EXOC5: variants seen among roughly 807,000 people sequenced by gnomAD.
EXOC5 encodes the protein SEC10-like 1.
In EXOC5, 17 loss-of-function variants were observed where a neutral mutation model predicts 90.8. The ratio of observed to expected loss-of-function variants is 0.19; its 90% CI spans 0.13 to 0.28. EXOC5 has a LOEUF of 0.28. Ranked by LOEUF, EXOC5 falls within the 10% of genes least tolerant of loss-of-function variation. The pLI is 1.00. For synonymous variants in EXOC5, 260 were observed against 270.0 expected, an observed-to-expected ratio of 0.96 and a Z score of 0.36; for missense variants, 569 against 830.6, an observed-to-expected ratio of 0.69 and a Z score of 3.87.
chr14:57,210,111 G>T (rs749790862), intron 15 of EXOC5, 50 bp from the exon 16 acceptor site: 2 of 771,454 alleles, frequency 2.6e-6, no homozygotes, highest in Non-Finnish European at 4.3e-6. Context: ...CTTACTCTAT[G>T]TTTATGTTTA....
At position 57,206,365 on chromosome 14, in the gene EXOC5, A is replaced by G. The variant is rs1882652268; in HGVS notation, c.*2244T>C. On this transcript the variant is annotated 3_prime_UTR_variant, in exon 18 of 18. Coordinates refer to ENST00000621441, the MANE Select transcript of EXOC5 (RefSeq NM_006544.4). Reference sequence around the variant, plus strand: ...AAAAATCAGAATACAAAGAATGCATATTGCCTCACATGACACATTTTTTTT... The same window carrying G: ...AAAAATCAGAATACAAAGAATGCATGTTGCCTCACATGACACATTTTTTTT... 1.3e-5 allele frequency: 2 copies of G among 153,588 alleles called. No individual in the cohort carries two copies. Among genetic ancestry groups the G allele is most frequent in the African/African-American group, 5.6e-5 (2 of 35,692 alleles). 9.5% of individuals were successfully genotyped at this position (153,588 alleles called of 1,614,324 possible).
At chr14:57,214,170 C>T (rs1882907204) in intron 15 of EXOC5, among the ~76,000 whole-genome samples, 1 of 152,024 alleles carries the variant, frequency 6.6e-6, no homozygotes, top group African/African-American at 2.4e-5. Context: ...GCATGTCCAG[C>T]CTACACACAT....
chr14:57,206,393 T>C lies in EXOC5; in HGVS notation c.*2216A>G, dbSNP rs1030675532. 1.4e-4 allele frequency: 21 copies of C among 154,054 alleles called. No homozygotes were observed. Among genetic ancestry groups the C allele is most frequent in the Admixed American group, 5.2e-4 (8 of 15,422 alleles). 9.5% of individuals were successfully genotyped at this position (154,054 alleles called of 1,614,324 possible). A position where few individuals can be genotyped will look rare whatever the true frequency, so the allele number is the denominator to read the frequency against. On this transcript the variant is annotated 3_prime_UTR_variant, in exon 18 of 18. Coordinates refer to ENST00000621441, the MANE Select transcript of EXOC5 (RefSeq NM_006544.4). The stretch of plus-strand genomic sequence containing the variant: ...GCCTCACATGACACATTTTTTTTTT[T>C]CCCTCAGAGAAAGACCATCTGTTTA...
chr14:57,220,774 T>C (rs1883110884), intron 13 of EXOC5, among the ~76,000 whole-genome samples: 1 of 152,152 alleles, frequency 6.6e-6, no homozygotes, highest in Non-Finnish European at 1.5e-5. Context: ...CACTCTGGCC[T>C]GGGTGACAGA....
At chr14:57,239,814 T>C (rs1379334529) in intron 4 of EXOC5, among the ~76,000 whole-genome samples, 155 bp from the exon 5 acceptor site, 2 of 152,194 alleles carry the variant, frequency 1.3e-5, no homozygotes, top group East Asian at 1.9e-4. Context: ...TAAAACTTTA[T>C]GAGCAACAAG....
At chr14:57,247,229 A>G (rs17093011) in intron 2 of EXOC5, among the ~76,000 whole-genome samples, 1,540 of 152,312 alleles carry the variant, frequency 0.01, 28 homozygotes, top group African/African-American at 0.035. Context: ...AAAATAGTCA[A>G]GAAGGCAAAT....
At chr14:57,254,953 T>C (rs1025722429) in intron 1 of EXOC5, among the ~76,000 whole-genome samples, 1 of 152,208 alleles carries the variant, frequency 6.6e-6, no homozygotes, top group Non-Finnish European at 1.5e-5. Flanking sequence ...AATTTTGTTA[T>C]GGAAGCCTGA....
chr14:57,224,533 G>A (rs1883245965), intron 12 of EXOC5, among the ~76,000 whole-genome samples: 1 of 152,114 alleles, frequency 6.6e-6, no homozygotes, highest in Admixed American at 6.6e-5. Flanking sequence ...AAAAGAAGTG[G>A]ATAACCTGAA....
chr14:57,242,082 G>A (rs1246049666), intron 4 of EXOC5, among the ~76,000 whole-genome samples: 1 of 147,456 alleles, frequency 6.8e-6, no homozygotes, highest in Admixed American at 6.8e-5. Context: ...GCAGTGAGCC[G>A]AGATTGCGCC....
At chr14:57,258,897 T>TA (rs879751745) in intron 1 of EXOC5, among the ~76,000 whole-genome samples, 50 of 152,050 alleles carry the variant, frequency 3.3e-4, no homozygotes, top group Non-Finnish European at 6.0e-4. Context: ...CCAGCCTAGG[T>TA]AAAAAAAATA....
rs923504297 is a variant in EXOC5, at chr14:57,201,675, A to T, written c.*6934T>A. The T allele has an allele frequency of 1.3e-5, 2 of 150,420 alleles. No individual in the cohort carries two copies. Among genetic ancestry groups the T allele is most frequent in the African/African-American group, 4.9e-5 (2 of 41,170 alleles). The allele number at this position is 150,420 out of a possible 1,614,324, so 9.3% of individuals were successfully genotyped here. On this transcript the variant is annotated 3_prime_UTR_variant, in exon 18 of 18. Coordinates refer to ENST00000621441, the MANE Select transcript of EXOC5 (RefSeq NM_006544.4). ...TGAGGTGGGCAGATCACTTAAGGCTAGGAGTTTGACACCAGCCTGACCAAC... is the reference window on the plus strand; with the variant it reads ...TGAGGTGGGCAGATCACTTAAGGCTTGGAGTTTGACACCAGCCTGACCAAC...
rs145053811 is a variant in EXOC5 at position 57,221,146 on chromosome 14, T to A, written c.1405+1162A>T. ...GATCAGCAATGCCTCTCTGAGAAGA[T>A]AACATCTTAGTTGAGATCAGATGAT... On this transcript the variant is annotated intron_variant, in intron 13 of 17. Transcript: ENST00000621441. 4.6e-5 allele frequency among the ~76,000 whole-genome samples: 7 copies of A among 152,254 alleles called. No individual in the cohort carries two copies. The East Asian group carries it at 1.3e-3, about 29-fold the overall frequency.
chr14:57,220,840 A>C (rs1244297589), intron 13 of EXOC5, among the ~76,000 whole-genome samples: 6 of 152,054 alleles, frequency 3.9e-5, no homozygotes. Flanking sequence ...AAATTATTAT[A>C]TATACACACT....
chr14:57,231,707 T>C lies in EXOC5; in HGVS notation c.947A>G (p.Asn316Ser). Residue 316 changes from asparagine to serine, a missense_variant, in exon 11 of 18, where the codon AAT becomes AGT. Asn to Ser is a conservative substitution (Grantham distance 46). This residue lies in a region of EXOC5 where 114 missense variants were observed against 111.2 expected (regional missense o/e 1.03). Transcript: ENST00000621441. ...NLYDLYTRTT[N>S]LSSKLMEFNL... ...AAACTCCATCAGCTTGCTGGAAAGA[T>C]TGGTGGTTCTTTTCATGAAAAAGGG... 3 of 1,597,610 alleles carry C rather than the reference T, an allele frequency of 1.9e-6. 1 individual carries two copies. Among genetic ancestry groups the C allele is most frequent in the Middle Eastern group, 3.4e-4 (2 of 5,928 alleles).
intron 12 of EXOC5, among the ~76,000 whole-genome samples, chr14:57,227,972 A>ACG (rs1283817732): frequency 6.7e-6 from 1 of 149,330 alleles, no homozygotes; most frequent in Non-Finnish European, 1.5e-5. Context: ...ACACACACAC[A>ACG]CACGTATGTA....
At chr14:57,208,837 C>T in intron 17 of EXOC5, 40 bp from the exon 18 acceptor site, 1 of 1,371,332 alleles carries the variant, frequency 7.3e-7, no homozygotes, top group South Asian at 1.4e-5. Context: ...TGAAACAAAA[C>T]AATTTCCAGT....
chr14:57,253,539 C>G (rs547471598), intron 1 of EXOC5, among the ~76,000 whole-genome samples: 1 of 152,204 alleles, frequency 6.6e-6, no homozygotes, highest in African/African-American at 2.4e-5. Flanking sequence ...TAGACAAACC[C>G]CGAAGAGCAC....
chr14:57,249,499 AT>A (rs1283392166), intron 1 of EXOC5, among the ~76,000 whole-genome samples: 1 of 152,150 alleles, frequency 6.6e-6, no homozygotes, highest in African/African-American at 2.4e-5. Context: ...AAAATTAAGG[AT>A]TTTTTCATAC....
chr14:57,248,542 G>T (rs963695504), intron 1 of EXOC5, among the ~76,000 whole-genome samples: 1 of 151,706 alleles, frequency 6.6e-6, no homozygotes, highest in Non-Finnish European at 1.5e-5. Context: ...GTTTAAAAAA[G>T]GATATTAGAG....
Sources: gnomAD v4.1 joint callset for allele counts (sites outside exome capture counted in the v4.1 genomes callset) on GRCh38, gnomAD v4.1.1 for gene constraint, gnomAD v4.1.1 regional missense constraint, MANE v1.5 for transcripts, NCBI Gene and HGNC (gene_info 2026-07-23, HGNC 2026-07-21) for gene names.